Variants in ADAMTS20 observed in about 807,000 individuals in gnomAD.
ADAMTS20 encodes the protein ADAM metallopeptidase with thrombospondin type 1 motif 20, also known as A disintegrin and metalloproteinase with thrombospondin motifs 20.
In ADAMTS20, 225 loss-of-function variants were observed where a neutral mutation model predicts 260.1. That is an observed-to-expected ratio of 0.87 (90% CI 0.78 to 0.97). The LOEUF (loss-of-function observed/expected upper bound fraction) is 0.97, where lower values mean the gene tolerates loss of function less well. ADAMTS20 is among the 50% of genes least tolerant of loss of function. The probability of loss-of-function intolerance (pLI) is 0.00; values close to 1 mark genes in which losing one functional copy is unlikely to be tolerated. For missense variants in ADAMTS20, 2,400 were observed against 2,337.7 expected, an observed-to-expected ratio of 1.03 and a Z score of -0.55; for synonymous variants, 802 against 769.5, an observed-to-expected ratio of 1.04 and a Z score of -0.70.
intron 3 of ADAMTS20, among the ~76,000 whole-genome samples, chr12:43,503,514 GA>G (rs1299585977): frequency 6.6e-6 from 1 of 151,878 alleles, no homozygotes; most frequent in African/African-American, 2.4e-5. Context: ...TTCCACAGAT[GA>G]ATTTTTTTTA....
chr12:43,375,938 C>A, intron 35 of ADAMTS20, 119 bp downstream of exon 35: 1 of 741,806 alleles, frequency 1.3e-6, no homozygotes, highest in South Asian at 2.0e-5. Context: ...ACATGTCTAC[C>A]TGCTCCTACA....
At chr12:43,538,936 A>AT (rs35418565) in intron 2 of ADAMTS20, among the ~76,000 whole-genome samples, 133,872 of 145,874 alleles carry the variant, frequency 0.92, 62,085 homozygotes, top group East Asian at 0.99. Flanking sequence ...TAATTCTTTA[A>AT]TTTTTTTATG....
At chr12:43,464,219 T>A (rs1555130595) in intron 10 of ADAMTS20, among the ~76,000 whole-genome samples, 1 of 152,130 alleles carries the variant, frequency 6.6e-6, no homozygotes, top group Non-Finnish European at 1.5e-5. Context: ...GTTAGATTCC[T>A]GGTGCCTTTA....
intron 28 of ADAMTS20, among the ~76,000 whole-genome samples, chr12:43,418,224 G>C (rs996449106): frequency 5.9e-5 from 9 of 152,172 alleles, no homozygotes; most frequent in African/African-American, 2.2e-4. Context: ...AGCAGTAGTT[G>C]AGAAAGCAAC....
chr12:43,373,183 T>TA (rs1312340940), intron 36 of ADAMTS20, among the ~76,000 whole-genome samples: 3 of 152,204 alleles, frequency 2.0e-5, no homozygotes, highest in Non-Finnish European at 4.4e-5. Context: ...CATGCAAGTT[T>TA]AAGGAAGAAA....
At chr12:43,490,675 A>G (rs1942586787) in intron 6 of ADAMTS20, among the ~76,000 whole-genome samples, 1 of 152,130 alleles carries the variant, frequency 6.6e-6, no homozygotes, top group Admixed American at 6.5e-5. Flanking sequence ...ACCAAGTTCA[A>G]TGAAAAACTT....
chr12:43,503,727 AC>A (rs923853862), intron 3 of ADAMTS20, among the ~76,000 whole-genome samples: 2 of 151,670 alleles, frequency 1.3e-5, no homozygotes, highest in African/African-American at 4.8e-5. Flanking sequence ...CCCACCATCC[AC>A]CCTCAAGTAG....
intron 37 of ADAMTS20, among the ~76,000 whole-genome samples, chr12:43,363,703 G>T (rs920676835): frequency 5.3e-5 from 8 of 152,194 alleles, no homozygotes; most frequent in Non-Finnish European, 1.0e-4. Context: ...TTCTGGAAAA[G>T]AAGATTTTAG....
chr12:43,382,118 C>G (rs995891818), intron 31 of ADAMTS20, among the ~76,000 whole-genome samples: 4 of 152,110 alleles, frequency 2.6e-5, no homozygotes, highest in Admixed American at 2.0e-4. Context: ...TGATACCCAG[C>G]TATTCTATCC....
intron 37 of ADAMTS20, among the ~76,000 whole-genome samples, chr12:43,357,366 C>T (rs930653262): frequency 2.6e-5 from 4 of 152,070 alleles, no homozygotes; most frequent in African/African-American, 9.7e-5. Context: ...GCTTAAGACT[C>T]ATGAATCTTG....
At chr12:43,378,877 A>G (rs1292874332) in intron 31 of ADAMTS20, among the ~76,000 whole-genome samples, 1 of 152,232 alleles carries the variant, frequency 6.6e-6, no homozygotes, top group Non-Finnish European at 1.5e-5. Flanking sequence ...TCAGAACTCT[A>G]GAAACTGACC....
chr12:43,377,199 G>T (rs1287625705), intron 32 of ADAMTS20, among the ~76,000 whole-genome samples, 166 bp downstream of exon 32: 1 of 152,088 alleles, frequency 6.6e-6, no homozygotes, highest in Admixed American at 6.6e-5. Flanking sequence ...AGCAAGCATC[G>T]AACAAGAGAT....
intron 36 of ADAMTS20, among the ~76,000 whole-genome samples, chr12:43,371,540 T>C (rs2137202978): frequency 6.6e-6 from 1 of 152,168 alleles, no homozygotes; most frequent in South Asian, 2.1e-4. Context: ...GAGAATTTAG[T>C]GGTGGAGAGT....
chr12:43,375,743 T>C (rs1037651235), intron 35 of ADAMTS20, among the ~76,000 whole-genome samples: 2 of 152,262 alleles, frequency 1.3e-5, no homozygotes, highest in African/African-American at 2.4e-5. Context: ...TAGCTTTGAT[T>C]ACTGGAATTA....
At chr12:43,427,499 A>G (rs779833485) in intron 26 of ADAMTS20, 30 bp from the exon 27 acceptor site, 1 of 1,568,914 alleles carries the variant, frequency 6.4e-7, no homozygotes, top group South Asian at 1.2e-5. Flanking sequence ...AAATATGCAC[A>G]AACTGCGGAT....
intron 3 of ADAMTS20, among the ~76,000 whole-genome samples, chr12:43,520,323 A>C (rs1943054493): frequency 6.6e-6 from 1 of 152,192 alleles, no homozygotes; most frequent in African/African-American, 2.4e-5. Context: ...GTTAAAATTA[A>C]GAAAGTAGAA....
At chr12:43,430,084 T>G (rs146778616) in intron 23 of ADAMTS20, among the ~76,000 whole-genome samples, 1 of 152,084 alleles carries the variant, frequency 6.6e-6, no homozygotes, top group African/African-American at 2.4e-5. Context: ...AACCTTCTTC[T>G]TCAGTTCAAA....
At chr12:43,535,291 G>A (rs781373385) in intron 2 of ADAMTS20, among the ~76,000 whole-genome samples, 37 of 152,200 alleles carry the variant, frequency 2.4e-4, no homozygotes, top group Non-Finnish European at 1.6e-4. Flanking sequence ...GTTAAACCGT[G>A]AAAGCTATTA....
rs547051411 is a variant in ADAMTS20, at chr12:43,538,151, C to T, written c.454-5956G>A. ...TTCCCACCACAATGTACAAGTGTTC[C>T]CTTTTTGACACATTCTGACCAGCAT... On this transcript the variant is annotated intron_variant, in intron 2 of 38. Coordinates refer to ENST00000389420, the MANE Select transcript of ADAMTS20 (RefSeq NM_025003.5). Among the ~76,000 whole-genome samples, 56 of 152,290 alleles carry T rather than the reference C, an allele frequency of 3.7e-4. 2 individuals are homozygous for T. In the Middle Eastern group the frequency reaches 0.014, roughly 37 times the overall value.
Sources: gnomAD v4.1 joint callset for allele counts (sites outside exome capture counted in the v4.1 genomes callset) on GRCh38, gnomAD v4.1.1 for gene constraint, MANE v1.5 for transcripts, NCBI Gene and HGNC (gene_info 2026-07-23, HGNC 2026-07-21) for gene names.